GUCY2C: variants seen among roughly 807,000 people sequenced by gnomAD.
GUCY2C encodes guanylate cyclase 2C, also known as guanylyl cyclase C.
In GUCY2C, 118 loss-of-function variants were observed where a neutral mutation model predicts 131.1. That is an observed-to-expected ratio of 0.90 (90% CI 0.78 to 1.05). The LOEUF is 1.05. Among genes scored for constraint, GUCY2C ranks in the 50% least tolerant of loss-of-function variants. The probability of loss-of-function intolerance (pLI) is 0.00; values close to 1 mark genes in which losing one functional copy is unlikely to be tolerated. For synonymous variants in GUCY2C, 452 were observed against 457.8 expected (o/e 0.99, Z 0.16); for missense variants, 1,161 against 1,304.4 (o/e 0.89, Z 1.69).
intron 15 of GUCY2C, among the ~76,000 whole-genome samples, chr12:14,650,898 T>C (rs1947642183): frequency 6.6e-6 from 1 of 152,170 alleles, no homozygotes; most frequent in Non-Finnish European, 1.5e-5. Flanking sequence ...TACCGCATAG[T>C]ATGAAAGCTA....
chr12:14,632,733 C>A (rs1365492797), intron 19 of GUCY2C, among the ~76,000 whole-genome samples: 1 of 152,184 alleles, frequency 6.6e-6, no homozygotes, highest in Non-Finnish European at 1.5e-5. Flanking sequence ...GGACTGAAGA[C>A]AGGTCTCAGG....
At chr12:14,694,389 A>C (rs1267094540) in intron 1 of GUCY2C, among the ~76,000 whole-genome samples, 4 of 152,234 alleles carry the variant, frequency 2.6e-5, no homozygotes, top group African/African-American at 9.6e-5. Context: ...AGTGTCAACC[A>C]TGCTAACCTC....
At chr12:14,666,733 T>TTTTCTTA (rs1565626923) in intron 10 of GUCY2C, among the ~76,000 whole-genome samples, 562 of 14,776 alleles carry the variant, frequency 0.038, 11 homozygotes, top group African/African-American at 0.098. Flanking sequence ...AGACAATGTC[T>TTTTCTTA]CCAAAAAAAA....
chr12:14,678,196 G>A lies in GUCY2C; in HGVS notation c.831-1225C>T, dbSNP rs1313127423. ...TCCTATTATCACATTAATCCTAGAA[G>A]TACCCTTATGAAGAGGACATTTTAA... On this transcript the variant is annotated intron_variant, in intron 6 of 26. Coordinates refer to ENST00000261170, the MANE Select transcript of GUCY2C (RefSeq NM_004963.4). Among the ~76,000 whole-genome samples the A allele has an allele frequency of 2.0e-5, 3 of 152,086 alleles. 1 individual carries two copies. Among genetic ancestry groups the A allele is most frequent in the Non-Finnish European group, 2.9e-5 (2 of 68,020 alleles).
Position 14,628,235 on chromosome 12 carries a change from T to C in GUCY2C, c.2249+411A>G, listed in dbSNP as rs555198807. 2.6e-5 allele frequency among the ~76,000 whole-genome samples: 4 copies of C among 152,310 alleles called. No homozygotes were observed. The South Asian group carries it at 8.3e-4, about 32-fold the overall frequency. ...TGATTCATGACATGTCTTAAGTACC[T>C]AGGGCCAAAGCTGGAGATTTTAAGA... is the stretch of plus-strand genomic sequence containing the variant. On this transcript the variant is annotated intron_variant, in intron 20 of 26. Coordinates refer to ENST00000261170, the MANE Select transcript of GUCY2C (RefSeq NM_004963.4).
intron 7 of GUCY2C, among the ~76,000 whole-genome samples, chr12:14,675,355 T>G (rs1948212401): frequency 6.6e-6 from 1 of 151,846 alleles, no homozygotes. Context: ...GCAGTTATAC[T>G]TCATTCCCAT....
chr12:14,653,778 G>A (rs1205380197), intron 12 of GUCY2C, among the ~76,000 whole-genome samples: 13 of 152,180 alleles, frequency 8.5e-5, no homozygotes, highest in Non-Finnish European at 1.9e-4. Context: ...TTTGAAATGC[G>A]AGTGAAATGA....
At chr12:14,669,661 CTT>C in intron 10 of GUCY2C, 59 bp downstream of exon 10, 1 of 834,796 alleles carries the variant, frequency 1.2e-6, no homozygotes, top group South Asian at 1.6e-5. Context: ...AAACAATAGA[CTT>C]TACTTTTCTT....
chr12:14,645,623 A>G (rs1947505343), intron 15 of GUCY2C, among the ~76,000 whole-genome samples: 1 of 152,212 alleles, frequency 6.6e-6, no homozygotes, highest in African/African-American at 2.4e-5. Context: ...ACTGCCCTGC[A>G]TGTTCTGTCT....
chr12:14,651,920 GAA>G, intron 14 of GUCY2C, 37 bp downstream of exon 14: 1 of 1,104,250 alleles, frequency 9.1e-7, no homozygotes, highest in South Asian at 1.3e-5. Context: ...GAAATGAAGT[GAA>G]GTTATTTCTC....
At chr12:14,670,847 AAGG>A (rs1948092974) in intron 9 of GUCY2C, among the ~76,000 whole-genome samples, 1 of 151,490 alleles carries the variant, frequency 6.6e-6, no homozygotes, top group African/African-American at 2.4e-5. Context: ...TGGGGAAGAA[AAGG>A]AGGTTTAATT....
In GUCY2C at chr12:14,622,172, T is replaced by A. The variant is rs1247629479; in HGVS notation, c.2434A>T (p.Lys812Ter). 1.3e-6 allele frequency: 2 copies of A among 1,573,566 alleles called. No individual in the cohort carries two copies. Reference protein sequence around the residue: ...PRLVVKSLKEKGFVEPELYEE... With the variant: ...PRLVVKSLKE ...TATAGTTCCGGCTCCACAAAGCCTTTCTCCTTCAGAGACTTTACCACTAGC... is the reference window on the plus strand; with the variant it reads ...TATAGTTCCGGCTCCACAAAGCCTTACTCCTTCAGAGACTTTACCACTAGC... The change falls in exon 22 of 27, where the codon AAA (lysine) becomes TAA (stop). Residue 812 changes from lysine (K) to a stop codon, truncating the protein, a stop_gained. Coordinates refer to ENST00000261170, the MANE Select transcript of GUCY2C (RefSeq NM_004963.4). LOFTEE classifies it high-confidence loss of function.
At chr12:14,674,040 A>G (rs1948172362) in intron 8 of GUCY2C, among the ~76,000 whole-genome samples, 1 of 152,156 alleles carries the variant, frequency 6.6e-6, no homozygotes, top group Non-Finnish European at 1.5e-5. Context: ...GGCCACTGTC[A>G]TTTATCTTTG....
At chr12:14,627,626 TA>T in intron 20 of GUCY2C, among the ~76,000 whole-genome samples, 1 of 152,188 alleles carries the variant, frequency 6.6e-6, no homozygotes, top group Non-Finnish European at 1.5e-5. Flanking sequence ...TCAGTATTTT[TA>T]AAGTTCCTCA....
chr12:14,638,375 C>T (rs952431171), intron 19 of GUCY2C, among the ~76,000 whole-genome samples: 5 of 152,172 alleles, frequency 3.3e-5, no homozygotes, highest in Admixed American at 2.6e-4. Flanking sequence ...AGTATTTATC[C>T]AAAGGAAGAG....
intron 10 of GUCY2C, 32 bp downstream of exon 10, chr12:14,669,690 C>A: frequency 1.9e-6 from 2 of 1,063,774 alleles, no homozygotes; most frequent in African/African-American, 1.6e-5. Context: ...AAAACAGTGT[C>A]AGGGAGAGAA....
At chr12:14,626,686 T>C (rs1158266877) in intron 20 of GUCY2C, among the ~76,000 whole-genome samples, 2 of 152,318 alleles carry the variant, frequency 1.3e-5, no homozygotes, top group Non-Finnish European at 2.9e-5. Flanking sequence ...TTCTAATTTG[T>C]ATCATAAAAT....
At chr12:14,639,069 G>T (rs1424774184) in intron 19 of GUCY2C, among the ~76,000 whole-genome samples, 2 of 152,174 alleles carry the variant, frequency 1.3e-5, no homozygotes, top group Non-Finnish European at 2.9e-5. Context: ...GGCCAAGGCA[G>T]GTGGGATCGC....
In GUCY2C at chr12:14,618,792, G is replaced by A. The variant is rs140327121; in HGVS notation, c.2875+419C>T. On this transcript the variant is annotated intron_variant, in intron 24 of 26. Coordinates refer to ENST00000261170, the MANE Select transcript of GUCY2C (RefSeq NM_004963.4). The stretch of plus-strand genomic sequence containing the variant: ...CTCCAGCCTGGGTGACAGAACGAGA[G>A]CCTGTCTCTAAAAAACAACAACAAA... Among the ~76,000 whole-genome samples, 268 of 152,124 alleles carry A rather than the reference G, an allele frequency of 1.8e-3. 3 individuals are homozygous for A. The highest frequency in any genetic ancestry group is 6.8e-3 in the Middle Eastern group (2 of 294).
Sources: gnomAD v4.1 joint callset for allele counts (sites outside exome capture counted in the v4.1 genomes callset) on GRCh38, gnomAD v4.1.1 for gene constraint, MANE v1.5 for transcripts, NCBI Gene and HGNC (gene_info 2026-07-23, HGNC 2026-07-21) for gene names.